Variants in FUT8 observed in about 807,000 individuals in gnomAD.
FUT8 encodes the protein fucosyltransferase 8, also known as alpha-(1,6)-fucosyltransferase.
FUT8 carries 29 observed loss-of-function variants against 71.3 expected under a neutral mutation model. The ratio of observed to expected loss-of-function variants is 0.41; its 90% CI spans 0.30 to 0.55. FUT8 has a LOEUF of 0.55. FUT8 is among the 20% of genes least tolerant of loss of function. FUT8 has a pLI of 0.34. For missense variants in FUT8, 544 were observed against 702.1 expected (o/e 0.77, Z 2.55); for synonymous variants, 254 against 239.3 (o/e 1.06, Z -0.57).
the FUT8 span, among the ~76,000 whole-genome samples, chr14:65,397,167 T>C: frequency 1.3e-5 from 2 of 152,196 alleles, no homozygotes; most frequent in African/African-American, 2.4e-5. The surrounding 1 kb of genome is among the most constrained non-coding windows in gnomAD (Gnocchi z 4.2). Context: ...GAGCTGGAAG[T>C]TCTTGAAGGG....
At chr14:65,559,483 A>G (rs529163128) in intron 2 of FUT8, among the ~76,000 whole-genome samples, 4 of 152,250 alleles carry the variant, frequency 2.6e-5, no homozygotes, top group Non-Finnish European at 5.9e-5. Context: ...AAACCCGAAC[A>G]TCTGTGGATT....
chr14:65,741,460 A>T (rs1317423806), intron 10 of FUT8, among the ~76,000 whole-genome samples: 2 of 152,050 alleles, frequency 1.3e-5, no homozygotes, highest in Admixed American at 1.3e-4. Context: ...AGATATACCT[A>T]ATGTTAAATG....
In FUT8 at chr14:65,627,132, TAAAAG is replaced by T. The variant is rs963960938; in HGVS notation, c.483-2357_483-2353del. Among the ~76,000 whole-genome samples, 4 of 151,526 alleles carry T rather than the reference TAAAAG, an allele frequency of 2.6e-5. No individual in the cohort carries two copies. The highest frequency in any genetic ancestry group is 9.7e-5 in the African/African-American group (4 of 41,214). ...TTTTAAATAACAAAAAACAAAAAAA[TAAAAG>T]AAGCAACCAAAAAAAAGTTCATTCT... On this transcript the variant is annotated intron_variant, in intron 5 of 10. Coordinates refer to ENST00000673929, the MANE Select transcript of FUT8 (RefSeq NM_001371533.1). This position sits in a 1 kb window ranked among gnomAD's most constrained non-coding sequence, Gnocchi z 4.0.
upstream of FUT8, chr14:65,412,645 C>A (rs2065150213): frequency 1.2e-5 from 3 of 249,808 alleles, no homozygotes; most frequent in Admixed American, 1.6e-4. Flanking sequence ...ATCCCTGGCA[C>A]ATGCCAGGGT....
intron 7 of FUT8, among the ~76,000 whole-genome samples, chr14:65,686,211 A>G (rs539717772): frequency 1.3e-5 from 2 of 152,354 alleles, no homozygotes; most frequent in Admixed American, 1.3e-4. Flanking sequence ...TGTAACCACC[A>G]GCTTGGCCTT....
At chr14:65,385,758 T>C in the FUT8 span, among the ~76,000 whole-genome samples, 8 of 151,982 alleles carry the variant, frequency 5.3e-5, no homozygotes, top group Admixed American at 1.3e-4. Flanking sequence ...CCCAGGCTGG[T>C]CTCAAACTCC....
rs919979526 is a variant in FUT8 at position 65,652,707 on chromosome 14, A to G, written c.598-16536A>G. 5.3e-5 allele frequency among the ~76,000 whole-genome samples: 8 copies of G among 152,120 alleles called. No homozygotes were observed. The highest frequency in any genetic ancestry group is 1.0e-4 in the Non-Finnish European group (7 of 68,022). On this transcript the variant is annotated intron_variant, in intron 6 of 10. Coordinates refer to ENST00000673929, the MANE Select transcript of FUT8 (RefSeq NM_001371533.1). This position sits in a 1 kb window ranked among gnomAD's most constrained non-coding sequence, Gnocchi z 4.0. ...ATGCACAAGCCAGGTGCCTGACACA[A>G]TGGGGGTCAATATGTATTTATTGGA...
intron 2 of FUT8, among the ~76,000 whole-genome samples, chr14:65,525,482 C>T (rs1883393196): frequency 6.6e-6 from 1 of 152,186 alleles, no homozygotes; most frequent in South Asian, 2.1e-4. Context: ...TGCTAGTGGT[C>T]TATCAATTTT....
intron 3 of FUT8, among the ~76,000 whole-genome samples, chr14:65,586,914 C>T (rs1887418060): frequency 6.6e-6 from 1 of 152,170 alleles, no homozygotes; most frequent in Non-Finnish European, 1.5e-5. Context: ...ATGTGCTGGG[C>T]GCTGTGGCTC....
chr14:65,468,389 ATT>A (rs139616800), intron 2 of FUT8: 10,278 of 307,844 alleles, frequency 0.033, no homozygotes, highest in South Asian at 0.044. Flanking sequence ...GAAAGGTTGG[ATT>A]TTTTTTTTTT....
chr14:65,521,471 G>A (rs901383287), intron 2 of FUT8, among the ~76,000 whole-genome samples: 1 of 152,168 alleles, frequency 6.6e-6, no homozygotes, highest in African/African-American at 2.4e-5. Context: ...AATAAGGAAT[G>A]TTGGAATTGG....
the FUT8 span, among the ~76,000 whole-genome samples, chr14:65,397,320 A>G: frequency 2.6e-4 from 39 of 152,358 alleles, no homozygotes; most frequent in African/African-American, 8.9e-4. This position sits in a 1 kb window ranked among gnomAD's most constrained non-coding sequence, Gnocchi z 4.2. Flanking sequence ...GCTAGAAAGC[A>G]CTAGAGGATG....
intron 7 of FUT8, among the ~76,000 whole-genome samples, chr14:65,670,733 A>G (rs1892437404): frequency 6.6e-6 from 1 of 152,124 alleles, no homozygotes; most frequent in Non-Finnish European, 1.5e-5. Context: ...TTGAAAAAAA[A>G]TCGGTAATAT....
At chr14:65,633,950 A>C (rs1890385957) in intron 6 of FUT8, among the ~76,000 whole-genome samples, 1 of 147,570 alleles carries the variant, frequency 6.8e-6, no homozygotes, top group Admixed American at 6.8e-5. Context: ...GTGGGGGGTC[A>C]GCCCCTGCCC....
upstream of FUT8, among the ~76,000 whole-genome samples, chr14:65,407,930 T>A (rs1025642005): frequency 6.6e-6 from 1 of 152,160 alleles, no homozygotes; most frequent in Admixed American, 6.5e-5. Flanking sequence ...AAGAGAGAAC[T>A]CCTTCCCCCA....
At chr14:65,595,037 G>C (rs1474229701) in intron 3 of FUT8, among the ~76,000 whole-genome samples, 3 of 152,160 alleles carry the variant, frequency 2.0e-5, no homozygotes, top group Non-Finnish European at 4.4e-5. Flanking sequence ...ACTCGAAGTT[G>C]GGATTTTGCC....
At chr14:65,417,815 C>T in intron 1 of FUT8, among the ~76,000 whole-genome samples, 1 of 152,148 alleles carries the variant, frequency 6.6e-6, no homozygotes, top group East Asian at 1.9e-4. Flanking sequence ...ACTATAACTT[C>T]TTCCTCGAAG....
At chr14:65,528,973 T>C (rs919436115) in intron 2 of FUT8, 1 of 154,744 alleles carries the variant, frequency 6.5e-6, no homozygotes, top group Non-Finnish European at 1.5e-5. Context: ...TAGCTTCATG[T>C]GCATGGTATT....
intron 2 of FUT8, among the ~76,000 whole-genome samples, chr14:65,499,850 G>T (rs2066618910): frequency 6.6e-6 from 1 of 151,274 alleles, no homozygotes; most frequent in Non-Finnish European, 1.5e-5. Flanking sequence ...CAAATAGTAT[G>T]TGTTGAATAT....
Sources: allele counts gnomAD v4.1 joint callset (sites outside exome capture counted in the v4.1 genomes callset), GRCh38; gene constraint gnomAD v4.1.1; non-coding constraint Gnocchi (gnomAD v3.1); transcripts MANE v1.5; gene names NCBI Gene and HGNC (gene_info 2026-07-23, HGNC 2026-07-21).